The following PCDHA4 variants were observed in gnomAD, a reference collection of about 807,000 sequenced individuals.
PCDHA4 encodes the protein protocadherin alpha-4.
In PCDHA4, 49 loss-of-function variants were observed where a neutral mutation model predicts 61.4. The ratio of observed to expected loss-of-function variants is 0.80; its 90% CI spans 0.63 to 1.01. PCDHA4 has a LOEUF of 1.01. Ranked by LOEUF, PCDHA4 falls within the 50% of genes least tolerant of loss-of-function variation. The probability of loss-of-function intolerance (pLI) is 0.00; values close to 1 mark genes in which losing one functional copy is unlikely to be tolerated. For missense variants in PCDHA4, 1,254 were observed against 1,235.8 expected, an observed-to-expected ratio of 1.01 and a Z score of -0.22; for synonymous variants, 590 against 550.3, an observed-to-expected ratio of 1.07 and a Z score of -1.01.
At chr5:140,819,111 C>A (rs1193476646) in intron 1 of PCDHA4, among the ~76,000 whole-genome samples, 1 of 152,090 alleles carries the variant, frequency 6.6e-6, no homozygotes, top group Non-Finnish European at 1.5e-5. Context: ...CTCATGGTAT[C>A]CTTTCTTACT....
At chr5:140,976,586 T>C (rs1029704575) in intron 1 of PCDHA4, among the ~76,000 whole-genome samples, 2 of 151,988 alleles carry the variant, frequency 1.3e-5, no homozygotes, top group Non-Finnish European at 2.9e-5. Flanking sequence ...AAACACAGAC[T>C]TTTGTGTTAA....
chr5:141,002,333 G>T (rs782123745), intron 3 of PCDHA4, among the ~76,000 whole-genome samples: 1 of 152,196 alleles, frequency 6.6e-6, no homozygotes, highest in African/African-American at 2.4e-5. Context: ...GGCTGCATCC[G>T]CACCCCTTCC....
intron 1 of PCDHA4, among the ~76,000 whole-genome samples, chr5:140,938,931 A>T (rs1371527205): frequency 6.6e-6 from 1 of 152,044 alleles, no homozygotes; most frequent in African/African-American, 2.4e-5. Context: ...TTGGCTTTTA[A>T]CTTTCCATTC....
intron 1 of PCDHA4, among the ~76,000 whole-genome samples, chr5:140,907,316 A>G (rs2073307783): frequency 6.6e-6 from 1 of 152,194 alleles, no homozygotes; most frequent in African/African-American, 2.4e-5. Flanking sequence ...GAACATGTAA[A>G]GACCAGTGAA....
chr5:140,808,794 C>T lies in PCDHA4; in HGVS notation c.1607C>T (p.Thr536Ile). The change falls in exon 1 of 4, where the codon ACC becomes ATC. Residue 536 changes from threonine (T) to isoleucine (I), a missense_variant. Transcript: ENST00000530339. ...EELELLQFQV[T>I]ARDAGVPPLG... ...CTAGAGCTGCTGCAGTTTCAGGTGA[C>T]CGCTCGCGATGCCGGCGTGCCACCT... The T allele has an allele frequency of 6.2e-7, 1 of 1,612,626 alleles. No homozygotes were observed. Among genetic ancestry groups the T allele is most frequent in the Non-Finnish European group, 8.5e-7 (1 of 1,179,840 alleles).
At chr5:140,927,004 A>C (rs1194923615) in intron 1 of PCDHA4, 1 of 1,612,238 alleles carries the variant, frequency 6.2e-7, no homozygotes, top group Non-Finnish European at 8.5e-7. Flanking sequence ...AGCCGTAGGC[A>C]ATCTCTCCGC....
At chr5:140,871,438 C>G (rs1246532449) in intron 1 of PCDHA4, 3 of 1,611,836 alleles carry the variant, frequency 1.9e-6, no homozygotes, top group Middle Eastern at 1.7e-4. Flanking sequence ...TCCTCTAGGT[C>G]TGAATAAAGA....
intron 3 of PCDHA4, among the ~76,000 whole-genome samples, chr5:140,994,117 G>C (rs889813029): frequency 6.6e-6 from 1 of 152,198 alleles, no homozygotes; most frequent in Non-Finnish European, 1.5e-5. Flanking sequence ...ATTGTCATGT[G>C]ATAAGGGCGA....
chr5:140,937,644 G>A (rs1554211697), intron 1 of PCDHA4, among the ~76,000 whole-genome samples: 1 of 151,048 alleles, frequency 6.6e-6, no homozygotes, highest in African/African-American at 2.4e-5. Flanking sequence ...AGGGCATGGT[G>A]GCTCACGCCT....
At chr5:140,829,036 A>G (rs1770084971) in intron 1 of PCDHA4, 4 of 1,612,958 alleles carry the variant, frequency 2.5e-6, no homozygotes, top group Non-Finnish European at 3.4e-6. Flanking sequence ...AAGAAAACTT[A>G]TACAAAATCC....
At chr5:140,842,951 C>T in intron 1 of PCDHA4, 2 of 1,594,846 alleles carry the variant, frequency 1.3e-6, no homozygotes, top group Non-Finnish European at 1.7e-6. Context: ...GGGCGTGCCG[C>T]CTCTGGGCAG....
intron 3 of PCDHA4, among the ~76,000 whole-genome samples, chr5:140,997,463 C>A (rs2097770932): frequency 6.6e-6 from 1 of 152,198 alleles, no homozygotes; most frequent in Admixed American, 6.5e-5. Context: ...ATACTGTAGG[C>A]AATTTTTACA....
intron 1 of PCDHA4, among the ~76,000 whole-genome samples, chr5:140,934,108 T>C (rs574657499): frequency 6.6e-6 from 1 of 152,276 alleles, no homozygotes; most frequent in East Asian, 1.9e-4. Flanking sequence ...TCTATTTTAT[T>C]AATTTTCATA....
chr5:140,843,412 C>A, intron 1 of PCDHA4: 3 of 1,596,066 alleles, frequency 1.9e-6, no homozygotes, highest in Non-Finnish European at 2.6e-6. Flanking sequence ...TGGATGTCAA[C>A]GTGTACCTGA....
chr5:140,851,225 C>G, intron 1 of PCDHA4: 4 of 1,141,878 alleles, frequency 3.5e-6, no homozygotes, highest in Non-Finnish European at 3.3e-6. Context: ...ACATCACTAT[C>G]ATTTATTTAT....
chr5:140,834,254 G>C, intron 1 of PCDHA4: 2 of 927,248 alleles, frequency 2.2e-6, no homozygotes, highest in Non-Finnish European at 3.3e-6. Context: ...CTGGAAAGAC[G>C]CTCCACTCTC....
chr5:140,967,725 T>C lies in PCDHA4; in HGVS notation c.2386-11224T>C, dbSNP rs782758957. 16 of 1,613,798 alleles carry C rather than the reference T, an allele frequency of 9.9e-6. No individual in the cohort carries two copies. The East Asian group carries it at 2.0e-4, about 20-fold the overall frequency. On this transcript the variant is annotated intron_variant, in intron 1 of 3. Transcript: ENST00000530339. ...GCCAGTACCGGGGAAGTGCGAGTAA[T>C]TGGGGGGCTGGATTATGAGGAAGCC...
At chr5:140,924,811 C>A (rs1209918868) in intron 1 of PCDHA4, among the ~76,000 whole-genome samples, 6 of 151,654 alleles carry the variant, frequency 4.0e-5, no homozygotes, top group Admixed American at 3.3e-4. Context: ...AAGAGAATCG[C>A]TTGAACCTGG....
At position 140,808,562 on chromosome 5, in the gene PCDHA4, G is replaced by A; in HGVS notation, c.1375G>A (p.Glu459Lys). The A allele has an allele frequency of 1.9e-6, 3 of 1,614,108 alleles. No homozygotes were observed. The highest frequency in any genetic ancestry group is 1.1e-5 in the South Asian group (1 of 91,086). The stretch of plus-strand genomic sequence containing the variant: ...CAACGCTCCGGCGTTCGCGCAGCCC[G>A]AGTACACAGTGTTCGTGAAGGAGAA... ...NDNAPAFAQP[E>K]YTVFVKENNP... The change falls in exon 1 of 4, where the codon GAG becomes AAG. Residue 459 changes from glutamate (E) to lysine (K), a missense_variant. Transcript: ENST00000530339.
Sources: gnomAD v4.1 joint callset for allele counts (sites outside exome capture counted in the v4.1 genomes callset) on GRCh38, gnomAD v4.1.1 for gene constraint, MANE v1.5 for transcripts, NCBI Gene and HGNC (gene_info 2026-07-23, HGNC 2026-07-21) for gene names.